Variants in MGAT5 observed in about 807,000 individuals in gnomAD.
MGAT5 encodes the protein alpha-1,6-mannosylglycoprotein 6-beta-N-acetylglucosaminyltransferase A.
In MGAT5, 30 loss-of-function variants were observed where a neutral mutation model predicts 94.3. That is an observed-to-expected ratio of 0.32 (90% confidence interval 0.24 to 0.43). The LOEUF (loss-of-function observed/expected upper bound fraction) is 0.43, where lower values mean the gene tolerates loss of function less well. Among genes scored for constraint, MGAT5 ranks in the 20% least tolerant of loss-of-function variants. The pLI is 1.00. For synonymous variants in MGAT5, 310 were observed against 322.9 expected, an observed-to-expected ratio of 0.96 and a Z score of 0.43; for missense variants, 691 against 905.5, an observed-to-expected ratio of 0.76 and a Z score of 3.04.
intron 1 of MGAT5, among the ~76,000 whole-genome samples, chr2:134,185,525 G>A (rs528968088): frequency 1.3e-5 from 2 of 152,120 alleles, no homozygotes; most frequent in Non-Finnish European, 2.9e-5. Context: ...CCATTTTTAC[G>A]TGATTACTGT....
intron 2 of MGAT5, among the ~76,000 whole-genome samples, chr2:134,272,353 CAG>C (rs1001682319): frequency 1.0e-4 from 15 of 145,238 alleles, no homozygotes; most frequent in African/African-American, 4.1e-4. Context: ...TTTAAAGAAC[CAG>C]AGTGTTGTGT....
chr2:134,378,045 A>T (rs1681295822), intron 10 of MGAT5, among the ~76,000 whole-genome samples: 1 of 152,162 alleles, frequency 6.6e-6, no homozygotes, highest in Non-Finnish European at 1.5e-5. Flanking sequence ...CCAGTGTACC[A>T]GTTTTCAGTG....
intron 1 of MGAT5, among the ~76,000 whole-genome samples, chr2:134,160,434 A>G (rs1480134145): frequency 6.6e-6 from 1 of 152,206 alleles, no homozygotes; most frequent in Non-Finnish European, 1.5e-5. Context: ...GGCCTCCCAA[A>G]GTGCTGGGAT....
chr2:134,440,493 TG>T (rs887818290), intron 14 of MGAT5, among the ~76,000 whole-genome samples: 4 of 151,692 alleles, frequency 2.6e-5, no homozygotes, highest in Non-Finnish European at 5.9e-5. Context: ...TGAGTGGGGG[TG>T]CGCATGAATG....
intron 12 of MGAT5, among the ~76,000 whole-genome samples, chr2:134,418,093 A>G (rs899270238): frequency 3.2e-4 from 46 of 144,320 alleles, no homozygotes; most frequent in African/African-American, 1.2e-3. Context: ...TTTTCCCGGG[A>G]AAAAAAAAAT....
At chr2:134,349,337 A>G (rs925646552) in intron 8 of MGAT5, among the ~76,000 whole-genome samples, 2 of 152,196 alleles carry the variant, frequency 1.3e-5, no homozygotes, top group Non-Finnish European at 2.9e-5. Flanking sequence ...AAATACTCCA[A>G]TTGATGAAAA....
chr2:134,424,644 C>T (rs536324995), intron 13 of MGAT5, among the ~76,000 whole-genome samples: 2 of 152,242 alleles, frequency 1.3e-5, no homozygotes, highest in East Asian at 1.9e-4. Context: ...CTAGGGCTGC[C>T]GTAACACAGT....
At chr2:134,215,303 G>C (rs1680424747) in intron 1 of MGAT5, among the ~76,000 whole-genome samples, 1 of 152,160 alleles carries the variant, frequency 6.6e-6, no homozygotes, top group Non-Finnish European at 1.5e-5. Context: ...TCTTGTCTTA[G>C]GCTGTTAGGT....
In MGAT5 at chr2:134,177,441, G is replaced by A. The variant is rs116444492; in HGVS notation, c.-143+57150G>A. On this transcript the variant is annotated intron_variant, in intron 1 of 16. Transcript: ENST00000409645. Reference sequence around the variant, plus strand: ...CTGTGGTTAGCGTCACTTTCTACTCGCATTCCATTGCCAAGAACACAGTCA... The same window carrying A: ...CTGTGGTTAGCGTCACTTTCTACTCACATTCCATTGCCAAGAACACAGTCA... Among the ~76,000 whole-genome samples, 1,185 of 152,166 alleles carry A rather than the reference G, an allele frequency of 7.8e-3. 16 individuals carry two copies. Among genetic ancestry groups the A allele is most frequent in the African/African-American group, 0.027 (1,133 of 41,492 alleles).
At chr2:134,225,615 G>T (rs945043404) in intron 1 of MGAT5, among the ~76,000 whole-genome samples, 5 of 152,148 alleles carry the variant, frequency 3.3e-5, no homozygotes, top group Non-Finnish European at 7.3e-5. Flanking sequence ...TATAGATCAG[G>T]AAAAGAATTC....
chr2:134,391,098 A>G (rs2106249952), intron 10 of MGAT5, among the ~76,000 whole-genome samples: 1 of 152,276 alleles, frequency 6.6e-6, no homozygotes, highest in South Asian at 2.1e-4. Flanking sequence ...AGGAGGGGAC[A>G]TATTGAACTC....
chr2:134,241,184 A>G (rs763067946), intron 1 of MGAT5, among the ~76,000 whole-genome samples: 1 of 152,242 alleles, frequency 6.6e-6, no homozygotes, highest in Non-Finnish European at 1.5e-5. Context: ...GGGAGCAGGA[A>G]CAGAGAGTGT....
chr2:134,234,785 A>G (rs1471985448), intron 1 of MGAT5, among the ~76,000 whole-genome samples: 1 of 152,250 alleles, frequency 6.6e-6, no homozygotes, highest in Non-Finnish European at 1.5e-5. Flanking sequence ...TGCTGTTTAG[A>G]AAGTCCAGAA....
intron 1 of MGAT5, among the ~76,000 whole-genome samples, chr2:134,147,412 A>G (rs1236309809): frequency 6.6e-6 from 1 of 152,242 alleles, no homozygotes; most frequent in Non-Finnish European, 1.5e-5. Context: ...AAATCCTAAG[A>G]TATTGGCATT....
rs115953407 is a variant in MGAT5 at position 134,308,453 on chromosome 2, C to G, written c.407-9076C>G. ...CATTCTTCCCATTTTGCTGGCTCATCGCATGTCCCATCTACTAGCCCATGG... is the reference window on the plus strand; with the variant it reads ...CATTCTTCCCATTTTGCTGGCTCATGGCATGTCCCATCTACTAGCCCATGG... On this transcript the variant is annotated intron_variant, in intron 2 of 15. Coordinates refer to ENST00000281923, the MANE Select transcript of MGAT5 (RefSeq NM_002410.5). Among the ~76,000 whole-genome samples, 706 of 152,284 alleles carry G rather than the reference C, an allele frequency of 4.6e-3. 8 individuals carry two copies. The highest frequency in any genetic ancestry group is 0.016 in the African/African-American group (650 of 41,564).
intron 4 of MGAT5, among the ~76,000 whole-genome samples, chr2:134,333,757 T>A (rs933022360): frequency 1.3e-5 from 2 of 152,160 alleles, no homozygotes; most frequent in African/African-American, 4.8e-5. Context: ...TTTCCTTGAA[T>A]GTTATTAATG....
chr2:134,276,543 A>G (rs1363171115), intron 2 of MGAT5, among the ~76,000 whole-genome samples: 1 of 152,236 alleles, frequency 6.6e-6, no homozygotes, highest in Non-Finnish European at 1.5e-5. Flanking sequence ...TCTACTTTAC[A>G]TCAGAAAATA....
chr2:134,397,781 G>A (rs370036541), intron 10 of MGAT5, among the ~76,000 whole-genome samples: 7 of 152,282 alleles, frequency 4.6e-5, no homozygotes, highest in South Asian at 4.1e-4. Flanking sequence ...CAGACATTAC[G>A]ATAGCAGTTC....
chr2:134,346,311 C>T (rs1195150065), intron 8 of MGAT5, among the ~76,000 whole-genome samples: 6 of 152,028 alleles, frequency 3.9e-5, no homozygotes, highest in African/African-American at 1.2e-4. Flanking sequence ...AAATGGTCAC[C>T]GTTGATTGGT....
Sources: allele counts gnomAD v4.1 joint callset (sites outside exome capture counted in the v4.1 genomes callset), GRCh38; gene constraint gnomAD v4.1.1; transcripts MANE v1.5; gene names NCBI Gene and HGNC (gene_info 2026-07-23, HGNC 2026-07-21).